ZC3H7A: variants seen among roughly 807,000 people sequenced by gnomAD.
ZC3H7A encodes zinc finger CCCH domain-containing protein 7A.
Under a neutral mutation model 125.5 loss-of-function variants are expected in ZC3H7A, and 44 were observed. That is an observed-to-expected ratio of 0.35 (90% CI 0.28 to 0.45). ZC3H7A has a LOEUF of 0.45. ZC3H7A is among the 20% of genes least tolerant of loss of function. The pLI is 1.00. For synonymous variants in ZC3H7A, 399 were observed against 391.2 expected, an observed-to-expected ratio of 1.02 and a Z score of -0.23; for missense variants, 977 against 1,170.7, an observed-to-expected ratio of 0.83 and a Z score of 2.41.
At chr16:11,759,947 T>C (rs2052715547) in intron 19 of ZC3H7A, 1 of 151,588 alleles carries the variant, frequency 6.6e-6, no homozygotes. Flanking sequence ...GCTTCGTCTC[T>C]ACTAAAAAAA....
chr16:11,768,980 A>G (rs2052919282), intron 11 of ZC3H7A, 51 bp downstream of exon 11: 1 of 1,529,826 alleles, frequency 6.5e-7, no homozygotes, highest in South Asian at 1.2e-5. Context: ...TTACTTAAGT[A>G]ACTATTTTCA....
chr16:11,769,045 A>G lies in ZC3H7A; in HGVS notation c.1159T>C (p.Ser387Pro). The change falls in exon 11 of 23, where the codon TCT (serine) becomes CCT (proline). Residue 387 changes from serine to proline, a missense_variant. Coordinates refer to ENST00000355758, the MANE Select transcript of ZC3H7A (RefSeq NM_014153.4). Reference sequence around the variant, plus strand: ...GTGGCACTTACAAGTAAAAGGGAAGAATTACTGTTGTTAAGCGGTGTTCCC... The same window carrying G: ...GTGGCACTTACAAGTAAAAGGGAAGGATTACTGTTGTTAAGCGGTGTTCCC... ...REGTPLNNSN[S>P]SLLLMNGPGS... is the part of the protein sequence containing the mutation. 6.2e-7 allele frequency: 1 copy of G among 1,608,858 alleles called. No homozygotes were observed. Among genetic ancestry groups the G allele is most frequent in the Non-Finnish European group, 8.5e-7 (1 of 1,178,254 alleles).
At chr16:11,758,853 C>T (rs2052695553) in intron 19 of ZC3H7A, 1 of 274,750 alleles carries the variant, frequency 3.6e-6, no homozygotes, top group Admixed American at 5.5e-5. Context: ...ATCCCTGGCC[C>T]TCTCAGTCTG....
chr16:11,760,649 C>A (rs1379631622), intron 19 of ZC3H7A, among the ~76,000 whole-genome samples: 1 of 152,216 alleles, frequency 6.6e-6, no homozygotes, highest in African/African-American at 2.4e-5. Flanking sequence ...TTTCCTCCAT[C>A]CAGGTAGAGA....
At chr16:11,763,266 C>T in intron 16 of ZC3H7A, 1 of 376,048 alleles carries the variant, frequency 2.7e-6, no homozygotes, top group Non-Finnish European at 4.7e-6. Context: ...CACCACCACG[C>T]CCGATTAATT....
Position 11,774,241 on chromosome 16 carries a change from C to T in ZC3H7A, c.898G>A (p.Val300Ile). The T allele has an allele frequency of 6.3e-7, 1 of 1,577,686 alleles. No homozygotes were observed. Among genetic ancestry groups the T allele is most frequent in the Non-Finnish European group, 8.6e-7 (1 of 1,157,912 alleles). The change falls in exon 9 of 23, where the codon GTT (valine) becomes ATT (isoleucine). Residue 300 changes from valine to isoleucine, a missense_variant. Coordinates refer to ENST00000355758, the MANE Select transcript of ZC3H7A (RefSeq NM_014153.4). ...LDSAPETNET[V>I]MPSALVRGPL... ...TGAGTAACACTGAAACTTACCATAA[C>T]AGTTTCATTAGTTTCAGGTGCAGAA... is the stretch of plus-strand genomic sequence containing the variant.
At chr16:11,779,623 C>T (rs972296141) in intron 3 of ZC3H7A, among the ~76,000 whole-genome samples, 49 of 152,300 alleles carry the variant, frequency 3.2e-4, no homozygotes, top group African/African-American at 9.6e-4. Context: ...GTTCACATCT[C>T]CAATTCTGTG....
At chr16:11,775,283 A>G (rs984479480) in intron 7 of ZC3H7A, among the ~76,000 whole-genome samples, 1 of 152,038 alleles carries the variant, frequency 6.6e-6, no homozygotes, top group African/African-American at 2.4e-5. Context: ...AGGCAAGAGA[A>G]CTGCTTGAAC....
At chr16:11,793,596 A>G (rs2053387064) in intron 1 of ZC3H7A, among the ~76,000 whole-genome samples, 1 of 152,170 alleles carries the variant, frequency 6.6e-6, no homozygotes, top group African/African-American at 2.4e-5. Flanking sequence ...TTCTATCCCC[A>G]GACTGAAGCC....
chr16:11,787,550 C>A (rs771337621), intron 1 of ZC3H7A, among the ~76,000 whole-genome samples: 5 of 152,166 alleles, frequency 3.3e-5, no homozygotes, highest in Admixed American at 3.3e-4. Context: ...CAACCTTAAA[C>A]TTCCGGTCTC....
intron 1 of ZC3H7A, among the ~76,000 whole-genome samples, chr16:11,795,222 T>A (rs115390485): frequency 6.6e-6 from 1 of 152,188 alleles, no homozygotes; most frequent in East Asian, 1.9e-4. Flanking sequence ...GTTCAACAGT[T>A]TGGCTCAGTA....
At chr16:11,769,199 C>T (rs1327848332) in intron 10 of ZC3H7A, 104 bp from the exon 11 acceptor site, 7 of 940,350 alleles carry the variant, frequency 7.4e-6, no homozygotes, top group South Asian at 2.1e-5. Flanking sequence ...GCTATTCTCC[C>T]GTCCCAGTTT....
intron 2 of ZC3H7A, among the ~76,000 whole-genome samples, 197 bp downstream of exon 2, chr16:11,782,090 G>A (rs2053182453): frequency 6.6e-6 from 1 of 152,124 alleles, no homozygotes; most frequent in South Asian, 2.1e-4. Flanking sequence ...CTAAAAGCCA[G>A]CAAAAGTAAC....
At chr16:11,783,659 A>G (rs946607867) in intron 1 of ZC3H7A, among the ~76,000 whole-genome samples, 1 of 152,258 alleles carries the variant, frequency 6.6e-6, no homozygotes, top group Admixed American at 6.5e-5. Context: ...ACAACATCTT[A>G]CACATAAACC....
chr16:11,795,362 C>T (rs1053923046), intron 1 of ZC3H7A, among the ~76,000 whole-genome samples: 8 of 152,320 alleles, frequency 5.3e-5, no homozygotes, highest in African/African-American at 1.7e-4. Context: ...GCCCCAGCTG[C>T]GCGCTGTCCA....
At chr16:11,791,909 T>C (rs185386702) in intron 1 of ZC3H7A, among the ~76,000 whole-genome samples, 11 of 152,282 alleles carry the variant, frequency 7.2e-5, no homozygotes, top group Admixed American at 4.6e-4. Flanking sequence ...AGAAGGCACT[T>C]TGTTTTTTTG....
chr16:11,765,824 T>C lies in ZC3H7A; in HGVS notation c.1523-139A>G, dbSNP rs779557856. 3.5e-5 allele frequency: 22 copies of C among 625,396 alleles called. No individual in the cohort carries two copies. Among genetic ancestry groups the C allele is most frequent in the Admixed American group, 1.8e-4 (5 of 27,508 alleles). 38.7% of individuals were successfully genotyped at this position (625,396 alleles called of 1,614,324 possible). A position where few individuals can be genotyped will look rare whatever the true frequency, so the allele number is the denominator to read the frequency against. On this transcript the variant is annotated intron_variant, in intron 13 of 22. Transcript: ENST00000355758. This position sits in a 1 kb window ranked among gnomAD's most constrained non-coding sequence, Gnocchi z 4.8. ...GTGAGCAATGATCTTGCCACTGCAC[T>C]CCAGCCTGGGCAACAGAGCAAGTCC...
rs763320719 is a variant in ZC3H7A at position 11,758,557 on chromosome 16, A to C, written c.2320-18T>G. ...TTGCACAGCTGTATAAAAAAATAGG[A>C]ATATGATTAAGACAAAGTACACCTA... On this transcript the variant is annotated intron_variant, in intron 19 of 22. Coordinates refer to ENST00000355758, the MANE Select transcript of ZC3H7A (RefSeq NM_014153.4). 6.3e-7 allele frequency: 1 copy of C among 1,584,866 alleles called. No individual in the cohort carries two copies. Among genetic ancestry groups the C allele is most frequent in the South Asian group, 1.1e-5 (1 of 89,886 alleles).
intron 8 of ZC3H7A, 127 bp downstream of exon 8, chr16:11,774,852 CT>C: frequency 1.7e-6 from 2 of 1,155,332 alleles, no homozygotes; most frequent in South Asian, 2.9e-5. Flanking sequence ...ATCATTTTCA[CT>C]TTCATATTAA....
Sources: gnomAD v4.1 joint callset for allele counts (sites outside exome capture counted in the v4.1 genomes callset) on GRCh38, gnomAD v4.1.1 for gene constraint, Gnocchi (gnomAD v3.1) non-coding constraint, MANE v1.5 for transcripts, NCBI Gene and HGNC (gene_info 2026-07-23, HGNC 2026-07-21) for gene names.